Variants in VPS53 observed in about 807,000 individuals in gnomAD.
VPS53 encodes the protein VPS53 subunit of GARP complex.
VPS53 carries 70 observed loss-of-function variants against 107.0 expected under a neutral mutation model. The ratio of observed to expected loss-of-function variants is 0.65; its 90% CI spans 0.54 to 0.80. The LOEUF (loss-of-function observed/expected upper bound fraction) is 0.80. Among genes scored for constraint, VPS53 ranks in the 30% least tolerant of loss-of-function variants. The pLI, the probability that VPS53 is intolerant of heterozygous loss-of-function variation, is 0.00. For missense variants in VPS53, 917 were observed against 1,049.4 expected, an observed-to-expected ratio of 0.87 and a Z score of 1.74; for synonymous variants, 409 against 393.3, an observed-to-expected ratio of 1.04 and a Z score of -0.47.
intron 17 of VPS53, chr17:539,102 C>T (rs1054679413): frequency 6.6e-6 from 1 of 152,230 alleles, no homozygotes; most frequent in South Asian, 2.1e-4. Context: ...CAAAGCCAAT[C>T]ATGTCCATAG....
intron 4 of VPS53, among the ~76,000 whole-genome samples, chr17:672,152 AATCTCTCTCT>A (rs760973556): frequency 1.8e-4 from 21 of 118,840 alleles, no homozygotes; most frequent in South Asian, 2.8e-4. Flanking sequence ...ACACACACAC[AATCTCTCTCT>A]CACACAATCT....
chr17:583,676 A>G (rs528815277), intron 13 of VPS53, among the ~76,000 whole-genome samples: 13 of 149,906 alleles, frequency 8.7e-5, no homozygotes, highest in South Asian at 2.2e-4. Flanking sequence ...CAGGACCTCA[A>G]TGCGTTCCCA....
intron 4 of VPS53, among the ~76,000 whole-genome samples, chr17:668,376 G>A (rs1233035956): frequency 6.6e-6 from 1 of 152,144 alleles, no homozygotes; most frequent in Non-Finnish European, 1.5e-5. Context: ...AAGAGTGCTG[G>A]TGCTGAGGCT....
rs1275418672 is a variant in VPS53, at chr17:618,975, C to T, written c.1116+4558G>A. On this transcript the variant is annotated intron_variant, in intron 11 of 21. Transcript: ENST00000437048. ...TATTTCCTGGGTAGCTGGGACTACACGTGTGCACCACCACGCCTGCTAATA... is the reference window on the plus strand; with the variant it reads ...TATTTCCTGGGTAGCTGGGACTACATGTGTGCACCACCACGCCTGCTAATA... Among the ~76,000 whole-genome samples the T allele has an allele frequency of 2.1e-4, 28 of 130,916 alleles. No homozygotes were observed. In the East Asian group the frequency reaches 6.3e-3, roughly 30 times the overall value. 85.9% of individuals were successfully genotyped at this position (130,916 alleles called of 152,430 possible).
Position 555,488 on chromosome 17 carries a change from C to T in VPS53, c.1705-2026G>A, listed in dbSNP as rs542332792. Among the ~76,000 whole-genome samples, 35 of 152,242 alleles carry T rather than the reference C, an allele frequency of 2.3e-4. 1 individual carries two copies. The South Asian group carries it at 5.4e-3, about 23-fold the overall frequency. ...CTGGGATTACAGACGTGAGCCACCA[C>T]GCCCGGCCCTAATTTTTGTATTTTT... On this transcript the variant is annotated intron_variant, in intron 15 of 21. Coordinates refer to ENST00000437048, the MANE Select transcript of VPS53 (RefSeq NM_001128159.3).
intron 14 of VPS53, among the ~76,000 whole-genome samples, chr17:562,269 C>T (rs1459502922): frequency 6.6e-6 from 1 of 152,106 alleles, no homozygotes; most frequent in African/African-American, 2.4e-5. Flanking sequence ...TTCTCGAGTC[C>T]ACCGTGGTAA....
At chr17:565,322 G>C (rs1224596127) in intron 13 of VPS53, among the ~76,000 whole-genome samples, 1 of 141,504 alleles carries the variant, frequency 7.1e-6, no homozygotes, top group Non-Finnish European at 1.5e-5. Context: ...AGAATCACTT[G>C]AACCTGGGAG....
chr17:590,318 T>C (rs1413858921), intron 12 of VPS53, among the ~76,000 whole-genome samples: 2 of 152,202 alleles, frequency 1.3e-5, no homozygotes, highest in African/African-American at 4.8e-5. Flanking sequence ...TCATGTCGTC[T>C]GCAAACAGGG....
At chr17:539,997 T>G (rs931799373) in intron 17 of VPS53, among the ~76,000 whole-genome samples, 1 of 151,874 alleles carries the variant, frequency 6.6e-6, no homozygotes, top group East Asian at 1.9e-4. Flanking sequence ...CCGGTCTATC[T>G]AAAGCCCAAC....
chr17:582,551 C>A (rs1967084600), intron 13 of VPS53, among the ~76,000 whole-genome samples: 2 of 149,160 alleles, frequency 1.3e-5, no homozygotes, highest in African/African-American at 4.9e-5. Context: ...TCAATGCGTT[C>A]CCAGAGAACC....
chr17:578,485 AC>A (rs1006421299), intron 13 of VPS53, among the ~76,000 whole-genome samples: 55 of 149,738 alleles, frequency 3.7e-4, no homozygotes, highest in African/African-American at 1.3e-3. Flanking sequence ...CTCTCTCAGA[AC>A]CTAATGCATT....
At chr17:599,575 C>T (rs1377465361) in intron 12 of VPS53, among the ~76,000 whole-genome samples, 1 of 150,068 alleles carries the variant, frequency 6.7e-6, no homozygotes, top group East Asian at 2.0e-4. Context: ...AGAGTCATCA[C>T]CACTCCCTAA....
At position 521,697 on chromosome 17, in the gene VPS53, A is replaced by G. The variant is rs1908765960; in HGVS notation, c.2127T>C (p.Asp709=). Residue 709 remains aspartate (D), a synonymous_variant, in exon 20 of 22, where the codon GAT becomes GAC. Coordinates refer to ENST00000437048, the MANE Select transcript of VPS53 (RefSeq NM_001128159.3). ...CCACCTGCGAGCTGATGGAGGGGAG[A>G]TCGAGCAGGACCATCTTCAGCGAGT... ...DTHSLKMVLL[D]LPSISSQVVR... 1.3e-6 allele frequency: 2 copies of G among 1,550,364 alleles called. No individual in the cohort carries two copies. The highest frequency in any genetic ancestry group is 2.4e-5 in the East Asian group (1 of 40,868).
intron 1 of VPS53, 56 bp downstream of exon 1, chr17:714,567 G>A: frequency 6.6e-7 from 1 of 1,525,114 alleles, no homozygotes; most frequent in Non-Finnish European, 8.9e-7. Flanking sequence ...AGCGCCCGGA[G>A]CTGCCGTCTC....
Position 518,417 on chromosome 17 carries a change from A to G in VPS53, c.*711T>C, listed in dbSNP as rs1908459930. The G allele has an allele frequency of 6.6e-6, 1 of 152,286 alleles. No homozygotes were observed. The highest frequency in any genetic ancestry group is 6.5e-5 in the Admixed American group (1 of 15,282). The allele number at this position is 152,286 out of a possible 1,614,324, so 9.4% of individuals were successfully genotyped here. On this transcript the variant is annotated 3_prime_UTR_variant, in exon 22 of 22. Transcript: ENST00000437048. ...GGAACACATCACTGGGATGCTGCAC[A>G]TCACCTTTGCTATTTCAGATGACGC... is the stretch of plus-strand genomic sequence containing the variant.
chr17:669,031 T>C (rs1297829600), intron 4 of VPS53, among the ~76,000 whole-genome samples: 1 of 152,160 alleles, frequency 6.6e-6, no homozygotes, highest in Non-Finnish European at 1.5e-5. Context: ...TGGGGAAATG[T>C]ACTATAATTC....
At chr17:555,551 T>C (rs1912264990) in intron 15 of VPS53, among the ~76,000 whole-genome samples, 1 of 152,112 alleles carries the variant, frequency 6.6e-6, no homozygotes, top group Admixed American at 6.5e-5. Flanking sequence ...GCCAGGCTGG[T>C]CTCGAACTCC....
chr17:511,467 G>A lies in VPS53; in HGVS notation c.*7661C>T, dbSNP rs890455265. 4 of 152,340 alleles carry A rather than the reference G, an allele frequency of 2.6e-5. No individual in the cohort carries two copies. The highest frequency in any genetic ancestry group is 2.0e-4 in the Admixed American group (3 of 15,304). The allele number at this position is 152,340 out of a possible 1,614,324, so 9.4% of individuals were successfully genotyped here. ...GAAGCTCCCAGAACCCTCGGATGAA[G>A]TGAGCAGCATTCCCAGGAGGCGGGA... On this transcript the variant is annotated 3_prime_UTR_variant, in exon 22 of 22. Coordinates refer to ENST00000437048, the MANE Select transcript of VPS53 (RefSeq NM_001128159.3).
At chr17:564,380 C>CAA (rs1025416474) in intron 13 of VPS53, among the ~76,000 whole-genome samples, 2 of 148,174 alleles carry the variant, frequency 1.3e-5, no homozygotes, top group Admixed American at 1.3e-4. Context: ...ACTAAAAATA[C>CAA]AAAAAAAAAA....
Sources: gnomAD v4.1 joint callset for allele counts (sites outside exome capture counted in the v4.1 genomes callset) on GRCh38, gnomAD v4.1.1 for gene constraint, MANE v1.5 for transcripts, NCBI Gene and HGNC (gene_info 2026-07-23, HGNC 2026-07-21) for gene names.